SLC35F2: variants seen among roughly 807,000 people sequenced by gnomAD.
The protein encoded by SLC35F2 is solute carrier family 35 member F2, also known as queuine/queuosine transporter SLC35F2.
Under a neutral mutation model 38.1 loss-of-function variants are expected in SLC35F2, and 25 were observed. The ratio of observed to expected loss-of-function variants is 0.66; its 90% CI spans 0.48 to 0.92. The LOEUF (loss-of-function observed/expected upper bound fraction) is 0.92, where lower values mean the gene tolerates loss of function less well. SLC35F2 is among the 40% of genes least tolerant of loss of function. The probability of loss-of-function intolerance (pLI) is 0.00; values close to 1 mark genes in which losing one functional copy is unlikely to be tolerated. For missense variants in SLC35F2, 409 were observed against 452.9 expected (o/e 0.90, Z 0.88); for synonymous variants, 173 against 181.7 (o/e 0.95, Z 0.38).
In SLC35F2 at chr11:107,819,233, C is replaced by T. The variant is rs148194887; in HGVS notation, c.111-3268G>A. ...ATGGTGTTTGTTCTTAGGGCATGAG[C>T]ATCTTCAGTTTCGTTTTCCTAGATT... is the stretch of plus-strand genomic sequence containing the variant. On this transcript the variant is annotated intron_variant, in intron 1 of 7. Coordinates refer to ENST00000525815, the MANE Select transcript of SLC35F2 (RefSeq NM_017515.5). 9.4e-4 allele frequency among the ~76,000 whole-genome samples: 143 copies of T among 152,292 alleles called. 2 individuals carry two copies. The highest frequency in any genetic ancestry group is 3.2e-3 in the African/African-American group (131 of 41,556).
intron 3 of SLC35F2, chr11:107,809,975 C>A: frequency 1.0e-6 from 1 of 985,352 alleles, no homozygotes; most frequent in South Asian, 4.7e-5. Flanking sequence ...ACCTGGGCCA[C>A]ATCATCATCT....
intron 1 of SLC35F2, among the ~76,000 whole-genome samples, chr11:107,847,550 TA>T (rs1402717847): frequency 6.6e-6 from 1 of 152,180 alleles, no homozygotes; most frequent in Non-Finnish European, 1.5e-5. Context: ...GTGCCAGGCA[TA>T]AAGTACTGCA....
intron 1 of SLC35F2, among the ~76,000 whole-genome samples, chr11:107,844,631 A>AATAC (rs1860073501): frequency 2.1e-5 from 1 of 47,422 alleles, no homozygotes; most frequent in Admixed American, 1.6e-4. Flanking sequence ...CCAATAAATA[A>AATAC]ATAAATAAAT....
At chr11:107,851,563 T>A (rs1295961248) in intron 1 of SLC35F2, among the ~76,000 whole-genome samples, 2 of 147,072 alleles carry the variant, frequency 1.4e-5, no homozygotes, top group African/African-American at 5.0e-5. Context: ...AAACATATAA[T>A]GCAGAGTGGA....
At chr11:107,803,430 GCTCTTAATCACCCCTTGCT>G (rs1170161757) in intron 6 of SLC35F2, 6 of 984,980 alleles carry the variant, frequency 6.1e-6, no homozygotes, top group Non-Finnish European at 7.2e-6. Context: ...ACAGTCCATT[GCTCTTAATCACCCCTTGCT>G]ATGCACCCTG....
At chr11:107,851,231 C>T (rs1360066331) in intron 1 of SLC35F2, among the ~76,000 whole-genome samples, 1 of 150,864 alleles carries the variant, frequency 6.6e-6, no homozygotes. Flanking sequence ...CCACTGTACT[C>T]TAGCCGGGGC....
At chr11:107,846,043 A>G (rs1041693149) in intron 1 of SLC35F2, among the ~76,000 whole-genome samples, 1 of 152,006 alleles carries the variant, frequency 6.6e-6, no homozygotes, top group African/African-American at 2.4e-5. Context: ...CTGGATTCAA[A>G]GCTTTTATAA....
chr11:107,842,773 G>A (rs182015168), intron 1 of SLC35F2, among the ~76,000 whole-genome samples: 1 of 152,154 alleles, frequency 6.6e-6, no homozygotes, highest in Non-Finnish European at 1.5e-5. Flanking sequence ...CTATAAACCA[G>A]CAATTCTGCT....
At chr11:107,828,785 A>G (rs1288777200) in intron 1 of SLC35F2, among the ~76,000 whole-genome samples, 1 of 152,168 alleles carries the variant, frequency 6.6e-6, no homozygotes, top group Non-Finnish European at 1.5e-5. Flanking sequence ...TATGATTTGA[A>G]TATCTGCCCT....
intron 1 of SLC35F2, among the ~76,000 whole-genome samples, chr11:107,838,180 C>A (rs920398463): frequency 6.6e-6 from 1 of 152,134 alleles, no homozygotes; most frequent in Non-Finnish European, 1.5e-5. Context: ...AGAGGCTGAG[C>A]TCATAACCAC....
At chr11:107,801,599 TAA>T (rs1185188905) in intron 7 of SLC35F2, among the ~76,000 whole-genome samples, 1 of 147,932 alleles carries the variant, frequency 6.8e-6, no homozygotes, top group East Asian at 2.0e-4. Flanking sequence ...CTTAAAATTT[TAA>T]AAAGAGTGAT....
chr11:107,855,588 G>A (rs1860264579), intron 1 of SLC35F2, among the ~76,000 whole-genome samples: 1 of 151,878 alleles, frequency 6.6e-6, no homozygotes, highest in African/African-American at 2.4e-5. Context: ...GGAGGCGGAG[G>A]TTGCGGTGAG....
At chr11:107,856,894 GGGAA>G (rs1329613419) in intron 1 of SLC35F2, among the ~76,000 whole-genome samples, 1 of 97,820 alleles carries the variant, frequency 1.0e-5, no homozygotes, top group Non-Finnish European at 2.2e-5. Flanking sequence ...AAGGGAGGGA[GGGAA>G]GGAAGGAAGG....
intron 6 of SLC35F2, among the ~76,000 whole-genome samples, chr11:107,804,425 A>AGAT (rs887609922): frequency 1.3e-5 from 2 of 152,198 alleles, no homozygotes; most frequent in Admixed American, 6.5e-5. Flanking sequence ...TGAGGACCCA[A>AGAT]GATACAGATC....
intron 6 of SLC35F2, 87 bp from the exon 7 acceptor site, chr11:107,803,242 C>T (rs1038886976): frequency 7.7e-6 from 11 of 1,437,684 alleles, no homozygotes; most frequent in Non-Finnish European, 9.2e-6. Context: ...TATAAAACTC[C>T]CTAACCCTTT....
chr11:107,813,166 C>T (rs1176266751), intron 2 of SLC35F2, among the ~76,000 whole-genome samples: 2 of 151,982 alleles, frequency 1.3e-5, no homozygotes, highest in Non-Finnish European at 1.5e-5. Flanking sequence ...AGAATTAGGC[C>T]GGGTGCGGTG....
intron 1 of SLC35F2, among the ~76,000 whole-genome samples, chr11:107,830,032 C>T (rs897669070): frequency 1.3e-5 from 2 of 151,700 alleles, no homozygotes; most frequent in Non-Finnish European, 2.9e-5. Context: ...AAGGCCAAGG[C>T]GGGAGGATCA....
intron 1 of SLC35F2, among the ~76,000 whole-genome samples, chr11:107,853,337 T>C (rs972540932): frequency 6.6e-6 from 1 of 152,166 alleles, no homozygotes; most frequent in Admixed American, 6.5e-5. Context: ...GAGCTTTCAC[T>C]AGAGCAGGAA....
chr11:107,812,532 G>C (rs1471713584), intron 2 of SLC35F2, among the ~76,000 whole-genome samples: 1 of 152,012 alleles, frequency 6.6e-6, no homozygotes, highest in Non-Finnish European at 1.5e-5. Flanking sequence ...AAAGAGGGAG[G>C]GCAGGGCGGG....
Sources: gnomAD v4.1 joint callset for allele counts (sites outside exome capture counted in the v4.1 genomes callset) on GRCh38, gnomAD v4.1.1 for gene constraint, MANE v1.5 for transcripts, NCBI Gene and HGNC (gene_info 2026-07-23, HGNC 2026-07-21) for gene names.